MAST4: variants seen among roughly 807,000 people sequenced by gnomAD.
MAST4 encodes the protein microtubule-associated serine/threonine-protein kinase 4.
In MAST4, 89 loss-of-function variants were observed where a neutral mutation model predicts 162.7. That is an observed-to-expected ratio of 0.55 (90% CI 0.46 to 0.65). The LOEUF (loss-of-function observed/expected upper bound fraction) is 0.65, where lower values mean the gene tolerates loss of function less well. MAST4 is among the 30% of genes least tolerant of loss of function. The pLI is 0.00. For missense variants in MAST4, 3,153 were observed against 3,374.0 expected, an observed-to-expected ratio of 0.93 and a Z score of 1.62; for synonymous variants, 1,479 against 1,361.1, an observed-to-expected ratio of 1.09 and a Z score of -1.91.
chr5:67,104,301 G>A (rs1036654275), intron 9 of MAST4, 65 bp from the exon 10 acceptor site: 1 of 1,239,642 alleles, frequency 8.1e-7, no homozygotes, highest in Admixed American at 1.7e-5. Flanking sequence ...AAAATGTGAT[G>A]ATTGAATTGT....
At chr5:67,074,778 A>G (rs1761410440) in intron 5 of MAST4, among the ~76,000 whole-genome samples, 1 of 152,230 alleles carries the variant, frequency 6.6e-6, no homozygotes, top group African/African-American at 2.4e-5. Context: ...ACAATATTAC[A>G]TTAGGATTAT....
At chr5:66,909,880 A>G (rs1763631012) in intron 4 of MAST4, among the ~76,000 whole-genome samples, 1 of 152,154 alleles carries the variant, frequency 6.6e-6, no homozygotes, top group Non-Finnish European at 1.5e-5. Flanking sequence ...TATAAATGGG[A>G]GTTCTTCTGC....
At chr5:66,615,668 C>A (rs548780710) in intron 1 of MAST4, among the ~76,000 whole-genome samples, 1 of 151,668 alleles carries the variant, frequency 6.6e-6, no homozygotes, top group South Asian at 2.1e-4. Context: ...AAAAAATTAG[C>A]TGAGTATGGT....
At chr5:66,961,986 A>G (rs546824268) in intron 4 of MAST4, among the ~76,000 whole-genome samples, 156 of 152,360 alleles carry the variant, frequency 1.0e-3, no homozygotes, top group African/African-American at 3.7e-3. Flanking sequence ...TTGAAACATT[A>G]TATTTTTTAA....
chr5:66,956,368 A>G (rs920893080), intron 4 of MAST4, among the ~76,000 whole-genome samples: 1 of 148,398 alleles, frequency 6.7e-6, no homozygotes, highest in Non-Finnish European at 1.5e-5. Flanking sequence ...GAAGTTCACA[A>G]CGTCCAGGGT....
At chr5:66,608,355 CTTTTTTTTTTTT>C (rs72272071) in intron 1 of MAST4, among the ~76,000 whole-genome samples, 565 of 44,446 alleles carry the variant, frequency 0.013, 12 homozygotes, top group South Asian at 0.059. Flanking sequence ...TGTGCCTGGC[CTTTTTTTTTTTT>C]TTTTTTTTTT....
chr5:67,142,557 T>C, intron 21 of MAST4, 24 bp downstream of exon 21: 1 of 1,427,758 alleles, frequency 7.0e-7, no homozygotes, highest in East Asian at 2.4e-5. Context: ...GGCATAAACA[T>C]ACAGAGTCTC....
chr5:66,861,254 G>A (rs944099186), intron 3 of MAST4, among the ~76,000 whole-genome samples: 1 of 152,102 alleles, frequency 6.6e-6, no homozygotes, highest in Non-Finnish European at 1.5e-5. Flanking sequence ...AAATCCCTGT[G>A]AAATCAATTA....
intron 3 of MAST4, among the ~76,000 whole-genome samples, chr5:66,874,798 A>G (rs1234364468): frequency 6.6e-6 from 1 of 152,224 alleles, no homozygotes; most frequent in Non-Finnish European, 1.5e-5. Flanking sequence ...ATCAGCCCAG[A>G]GCTATCTCAG....
At chr5:67,050,506 C>G (rs1758042085) in intron 4 of MAST4, among the ~76,000 whole-genome samples, 1 of 152,178 alleles carries the variant, frequency 6.6e-6, no homozygotes, top group Non-Finnish European at 1.5e-5. Context: ...CCATTCTTCT[C>G]GGATTCTGTA....
chr5:66,628,899 T>C (rs563011555), intron 1 of MAST4, among the ~76,000 whole-genome samples: 3 of 152,300 alleles, frequency 2.0e-5, no homozygotes, highest in African/African-American at 7.2e-5. Flanking sequence ...GAACATACAG[T>C]GTCCTCAGCA....
Position 66,606,364 on chromosome 5 carries a change from A to AT in MAST4, c.363+9355dup, listed in dbSNP as rs201391389. The stretch of plus-strand genomic sequence containing the variant: ...TGCCTTATTCTGTGCTGAACAAGCT[A>AT]TTTTTTTTTAAATAATTGGACATCT... On this transcript the variant is annotated intron_variant, in intron 1 of 28. Coordinates refer to ENST00000403625, the MANE Select transcript of MAST4 (RefSeq NM_001164664.2). 5.5e-3 allele frequency among the ~76,000 whole-genome samples: 831 copies of AT among 151,356 alleles called. 7 individuals carry two copies. Among genetic ancestry groups the AT allele is most frequent in the Non-Finnish European group, 7.4e-3 (501 of 67,756 alleles).
intron 5 of MAST4, among the ~76,000 whole-genome samples, chr5:67,071,077 T>C (rs1172202109): frequency 6.6e-6 from 1 of 152,160 alleles, no homozygotes; most frequent in Non-Finnish European, 1.5e-5. Flanking sequence ...GCCAAATTAA[T>C]GGAACAAAGT....
At chr5:67,120,957 C>A in intron 13 of MAST4, 60 bp from the exon 14 acceptor site, 2 of 1,170,208 alleles carry the variant, frequency 1.7e-6, no homozygotes, top group Non-Finnish European at 2.5e-6. Context: ...ATCTATTTTG[C>A]TGATAAAATA....
At position 66,627,310 on chromosome 5, in the gene MAST4, G is replaced by C. The variant is rs1034158240; in HGVS notation, c.363+30292G>C. 3.3e-5 allele frequency among the ~76,000 whole-genome samples: 5 copies of C among 152,138 alleles called. No homozygotes were observed. In the East Asian group the frequency reaches 7.7e-4, roughly 23 times the overall value. ...CCCATTCTTCAGTTACCTCCCACCAGGTCCTTCCCATGACACATGGAGATT... is the reference window on the plus strand; with the variant it reads ...CCCATTCTTCAGTTACCTCCCACCACGTCCTTCCCATGACACATGGAGATT... On this transcript the variant is annotated intron_variant, in intron 1 of 28. Transcript: ENST00000403625.
intron 1 of MAST4, among the ~76,000 whole-genome samples, chr5:66,712,648 C>A (rs1456519927): frequency 6.6e-6 from 1 of 152,128 alleles, no homozygotes; most frequent in Non-Finnish European, 1.5e-5. Context: ...CTTTTGATAT[C>A]TCAAAGAAAT....
At chr5:67,011,868 GAGTGAGAGAGA>G (rs1439008566) in intron 4 of MAST4, among the ~76,000 whole-genome samples, 4 of 152,214 alleles carry the variant, frequency 2.6e-5, no homozygotes, top group Admixed American at 1.3e-4. Flanking sequence ...AGCGAGGAAA[GAGTGAGAGAGA>G]AGGGAGAGAG....
chr5:66,934,384 T>G lies in MAST4; in HGVS notation c.674+34402T>G, dbSNP rs189773273. On this transcript the variant is annotated intron_variant, in intron 4 of 28. Transcript: ENST00000403625. ...ATTTGTGTATTAGACCACTGATCTT[T>G]TCTCATTAGCTCAGGGAAATTGAAG... Among the ~76,000 whole-genome samples the G allele has an allele frequency of 2.7e-4, 41 of 152,224 alleles. 1 individual carries two copies. The highest frequency in any genetic ancestry group is 5.6e-4 in the Non-Finnish European group (38 of 68,010).
At chr5:66,844,670 AGAGT>A (rs1378211319) in intron 3 of MAST4, among the ~76,000 whole-genome samples, 1 of 152,154 alleles carries the variant, frequency 6.6e-6, no homozygotes, top group Admixed American at 6.5e-5. Flanking sequence ...TAGACAATGC[AGAGT>A]GAGTACTATG....
Sources: gnomAD v4.1 joint callset for allele counts (sites outside exome capture counted in the v4.1 genomes callset) on GRCh38, gnomAD v4.1.1 for gene constraint, MANE v1.5 for transcripts, NCBI Gene and HGNC (gene_info 2026-07-23, HGNC 2026-07-21) for gene names.